Variants in MTMR9 observed in about 807,000 individuals in gnomAD.
MTMR9 encodes the protein myotubularin-related protein 9.
A neutral mutation model predicts 69.5 loss-of-function variants in MTMR9; 39 were observed. That is an observed-to-expected ratio of 0.56 (90% CI 0.43 to 0.73). MTMR9 has a LOEUF of 0.73. MTMR9 is among the 30% of genes least tolerant of loss of function. MTMR9 has a pLI of 0.00. For missense variants in MTMR9, 900 were observed against 671.2 expected, an observed-to-expected ratio of 1.34 and a Z score of -3.77; for synonymous variants, 354 against 240.8, an observed-to-expected ratio of 1.47 and a Z score of -4.35.
chr8:11,307,010 T>C (rs761722389), intron 5 of MTMR9, among the ~76,000 whole-genome samples: 3 of 152,236 alleles, frequency 2.0e-5, no homozygotes, highest in Admixed American at 2.0e-4. Flanking sequence ...TTATTTCATA[T>C]AGCATGATGT....
Position 11,327,845 on chromosome 8 carries a change from GAAAA to G in MTMR9, c.*5064_*5067del, listed in dbSNP as rs557081798. The G allele has an allele frequency of 6.8e-6, 1 of 148,018 alleles. No homozygotes were observed. The highest frequency in any genetic ancestry group is 1.5e-5 in the Non-Finnish European group (1 of 66,492). 9.2% of individuals were successfully genotyped at this position (148,018 alleles called of 1,614,324 possible). A position where few individuals can be genotyped will look rare whatever the true frequency, so the allele number is the denominator to read the frequency against. ...ACACACATATACATACAGTCTTAGG[GAAAA>G]AAAAAAGCAGAACTTTTGTAAGTCT... is the stretch of plus-strand genomic sequence containing the variant. On this transcript the variant is annotated 3_prime_UTR_variant, in exon 10 of 10. Transcript: ENST00000221086.
At chr8:11,309,979 C>G (rs910576185) in intron 6 of MTMR9, among the ~76,000 whole-genome samples, 2 of 151,676 alleles carry the variant, frequency 1.3e-5, no homozygotes, top group Admixed American at 6.6e-5. Context: ...CATGAATTTG[C>G]CAATTTTTTT....
rs76375589 is a variant in MTMR9, at chr8:11,312,504, G to C, written c.972-2419G>C. 7.9e-3 allele frequency among the ~76,000 whole-genome samples: 1,200 copies of C among 152,240 alleles called. 18 individuals carry two copies. The highest frequency in any genetic ancestry group is 0.027 in the African/African-American group (1,119 of 41,540). ...TGGGGTTACAGGCATGAGTCACCAT[G>C]CCCCACCTTCAGGTTCCACTTCTAA... is the stretch of plus-strand genomic sequence containing the variant. On this transcript the variant is annotated intron_variant, in intron 6 of 9. Coordinates refer to ENST00000221086, the MANE Select transcript of MTMR9 (RefSeq NM_015458.4).
In MTMR9 at chr8:11,306,994, C is replaced by A. The variant is rs1799963177; in HGVS notation, c.809+587C>A. ...GTGTTTATCTTTCTGTGCATGGGTG[C>A]CTGACTTATTTCATATAGCATGATG... On this transcript the variant is annotated intron_variant, in intron 5 of 9. Transcript: ENST00000221086. 3.3e-5 allele frequency among the ~76,000 whole-genome samples: 5 copies of A among 152,306 alleles called. No homozygotes were observed. The South Asian group carries it at 8.3e-4, about 25-fold the overall frequency.
rs1481989678 is a variant in MTMR9, at chr8:11,284,940, C to T, written c.52C>T (p.His18Tyr). The change falls in exon 1 of 10, where the codon CAC (histidine) becomes TAC (tyrosine). Residue 18 changes from histidine (H) to tyrosine (Y), a missense_variant. Transcript: ENST00000221086. ...KTPRVDNVVL[H>Y]RPFYPAVEGT... ...CCCGCGGGTGGACAATGTGGTGCTG[C>T]ACCGGCCTTTCTACCCGGCTGTCGA... 1.9e-6 allele frequency: 3 copies of T among 1,613,840 alleles called. No homozygotes were observed. The highest frequency in any genetic ancestry group is 2.7e-5 in the African/African-American group (2 of 74,920).
intron 1 of MTMR9, among the ~76,000 whole-genome samples, chr8:11,287,135 A>G (rs145481185): frequency 1.3e-5 from 2 of 152,272 alleles, no homozygotes; most frequent in Non-Finnish European, 2.9e-5. Context: ...TGTTAATTCC[A>G]CAACTGGAAT....
intron 9 of MTMR9, among the ~76,000 whole-genome samples, 171 bp from the exon 10 acceptor site, chr8:11,322,454 A>G (rs1800738050): frequency 6.6e-6 from 1 of 152,256 alleles, no homozygotes; most frequent in Non-Finnish European, 1.5e-5. Context: ...CATCCTTTTC[A>G]GTACCTCAAG....
downstream of MTMR9, among the ~76,000 whole-genome samples, chr8:11,328,665 C>G (rs1360635369): frequency 2.0e-5 from 3 of 152,142 alleles, no homozygotes; most frequent in African/African-American, 4.8e-5. Flanking sequence ...AATGGCAAAA[C>G]TAGCAGGTGA....
downstream of MTMR9, among the ~76,000 whole-genome samples, chr8:11,329,681 C>T (rs1385315507): frequency 1.3e-5 from 2 of 152,260 alleles, no homozygotes; most frequent in African/African-American, 4.8e-5. Context: ...CACCTCCCAG[C>T]CGCCTGCCTT....
At chr8:11,329,358 T>A (rs1585147002), downstream of MTMR9, among the ~76,000 whole-genome samples, 2 of 152,244 alleles carry the variant, frequency 1.3e-5, no homozygotes, top group Admixed American at 6.5e-5. Context: ...CTCCCTCTGA[T>A]GCCGAGCCAA....
In MTMR9 at chr8:11,284,883, G is replaced by C; in HGVS notation, c.-6G>C. On this transcript the variant is annotated 5_prime_UTR_variant, in exon 1 of 10. Transcript: ENST00000221086. The stretch of plus-strand genomic sequence containing the variant: ...CTCGGTTCCCTGGCTCCGGCCGCGG[G>C]GGAGCATGGAGTTTGCGGAGCTGAT... 1.3e-6 allele frequency: 2 copies of C among 1,595,846 alleles called. No individual in the cohort carries two copies. The highest frequency in any genetic ancestry group is 1.7e-6 in the Non-Finnish European group (2 of 1,170,444).
intron 3 of MTMR9, among the ~76,000 whole-genome samples, chr8:11,303,311 C>G (rs1486787778): frequency 1.3e-5 from 2 of 151,240 alleles, no homozygotes; most frequent in African/African-American, 4.9e-5. Flanking sequence ...AGAGCCCTGT[C>G]ATTCTCCAGA....
intron 8 of MTMR9, chr8:11,318,118 A>G (rs1800506855): frequency 6.6e-6 from 1 of 152,072 alleles, no homozygotes; most frequent in Non-Finnish European, 1.5e-5. Flanking sequence ...TTGATGATGA[A>G]TTTTTTTTGG....
At chr8:11,300,415 C>A in intron 3 of MTMR9, 1 of 235,068 alleles carries the variant, frequency 4.3e-6, no homozygotes, top group Non-Finnish European at 8.3e-6. Flanking sequence ...ATCTGCATGT[C>A]AAAGAAATTA....
At chr8:11,299,641 A>G (rs1038156593) in intron 2 of MTMR9, among the ~76,000 whole-genome samples, 1 of 152,230 alleles carries the variant, frequency 6.6e-6, no homozygotes, top group South Asian at 2.1e-4. Context: ...TAATAACTGG[A>G]TTTTGAGCCA....
intron 2 of MTMR9, among the ~76,000 whole-genome samples, chr8:11,295,904 C>G (rs913496671): frequency 4.6e-5 from 7 of 152,122 alleles, no homozygotes; most frequent in African/African-American, 1.4e-4. Context: ...CCCATCTGCC[C>G]TCTACAGAGT....
chr8:11,288,331 A>G (rs1483931035), intron 1 of MTMR9, among the ~76,000 whole-genome samples: 1 of 140,640 alleles, frequency 7.1e-6, no homozygotes, highest in Non-Finnish European at 1.5e-5. Flanking sequence ...ATATATACAT[A>G]AATATATAAT....
At chr8:11,287,786 TTATATATAA>T (rs1799219741) in intron 1 of MTMR9, among the ~76,000 whole-genome samples, 1 of 110,212 alleles carries the variant, frequency 9.1e-6, no homozygotes. Flanking sequence ...TTATTATATA[TTATATATAA>T]TACATATTAT....
At chr8:11,298,245 A>T (rs1372224030) in intron 2 of MTMR9, among the ~76,000 whole-genome samples, 1 of 152,148 alleles carries the variant, frequency 6.6e-6, no homozygotes, top group Non-Finnish European at 1.5e-5. Context: ...ATTGCCTGTG[A>T]GAGTGGTTGC....
Sources: allele counts gnomAD v4.1 joint callset (sites outside exome capture counted in the v4.1 genomes callset), GRCh38; gene constraint gnomAD v4.1.1; transcripts MANE v1.5; gene names NCBI Gene and HGNC (gene_info 2026-07-23, HGNC 2026-07-21).